Variants in MORN3 observed in about 807,000 individuals in gnomAD.
MORN3 encodes MORN repeat-containing protein 3.
Under a neutral mutation model 34.7 loss-of-function variants are expected in MORN3, and 38 were observed. The observed-to-expected ratio is 1.10, with a 90% CI of 0.85 to 1.44. MORN3 has a LOEUF of 1.44. Among genes scored for constraint, MORN3 ranks in the 40% most tolerant of loss-of-function variants. The pLI is 0.00. For missense variants in MORN3, 311 were observed against 321.7 expected, an observed-to-expected ratio of 0.97 and a Z score of 0.25; for synonymous variants, 109 against 115.3, an observed-to-expected ratio of 0.95 and a Z score of 0.35.
At position 121,654,292 on chromosome 12, in the gene MORN3, C is replaced by T. The variant is rs1167551375; in HGVS notation, c.445G>A (p.Glu149Lys). ...GQWENDKPNG[E>K]GMLRLKNGNR... ...CACTCACTCAGGCGCAGCATGCCCT[C>T]CCCGTTGGGCTTGTCGTTCTCCCAC... is the stretch of plus-strand genomic sequence containing the variant. Residue 149 changes from glutamate to lysine, a missense_variant, in exon 3 of 6, where the codon GAG becomes AAG. Glu to Lys is a moderately conservative substitution (Grantham distance 56, BLOSUM62 1). Transcript: ENST00000355329. 2 of 1,589,132 alleles carry T rather than the reference C, an allele frequency of 1.3e-6. No homozygotes were observed. The highest frequency in any genetic ancestry group is 1.7e-6 in the Non-Finnish European group (2 of 1,169,134).
At chr12:121,671,135 C>CGGTG (rs1431404055), upstream of MORN3, among the ~76,000 whole-genome samples, 12 of 140,454 alleles carry the variant, frequency 8.5e-5, no homozygotes, top group Middle Eastern at 4.6e-3. Flanking sequence ...AGACTGGGCG[C>CGGTG]GGTGGCTCAC....
At chr12:121,670,267 C>T (rs1274647616), upstream of MORN3, among the ~76,000 whole-genome samples, 2 of 151,996 alleles carry the variant, frequency 1.3e-5, no homozygotes. Flanking sequence ...AGAAAATAGG[C>T]AGAGCAAAAG....
upstream of MORN3, among the ~76,000 whole-genome samples, chr12:121,671,999 TATG>T (rs919432272): frequency 1.3e-5 from 2 of 152,236 alleles, no homozygotes; most frequent in Non-Finnish European, 2.9e-5. Context: ...ATAACTTTCT[TATG>T]ATGTCATTGG....
chr12:121,670,744 G>T (rs1893936585), upstream of MORN3, among the ~76,000 whole-genome samples: 1 of 151,876 alleles, frequency 6.6e-6, no homozygotes, highest in Non-Finnish European at 1.5e-5. Context: ...AGGAGGCGGA[G>T]GTTGCAGTGA....
Position 121,659,293 on chromosome 12 carries a change from C to T in MORN3, c.201G>A (p.Lys67=). The T allele has an allele frequency of 6.2e-7, 1 of 1,614,056 alleles. No homozygotes were observed. The highest frequency in any genetic ancestry group is 1.7e-5 in the Admixed American group (1 of 59,980). ...KKGAIYEGDW[K]FGKRDGYGTL... ...TGCCGTAGCCGTCTCGCTTCCCAAA[C>T]TTCCAGTCCCCCTCATAGATGGCTC... The change falls in exon 2 of 6, where the codon AAG becomes AAA. Residue 67 remains lysine, a synonymous_variant. Coordinates refer to ENST00000355329, the MANE Select transcript of MORN3 (RefSeq NM_173855.5).
chr12:121,666,829 A>G (rs939353960), intron 1 of MORN3, among the ~76,000 whole-genome samples: 1 of 152,068 alleles, frequency 6.6e-6, no homozygotes, highest in South Asian at 2.1e-4. Context: ...TGGGACATGA[A>G]TCAGATCATG....
At chr12:121,657,359 T>A (rs1338038452) in intron 2 of MORN3, among the ~76,000 whole-genome samples, 1 of 152,202 alleles carries the variant, frequency 6.6e-6, no homozygotes, top group Non-Finnish European at 1.5e-5. Flanking sequence ...ACCTTGCACT[T>A]GATGGATCAG....
chr12:121,662,580 C>T (rs1000136023), intron 1 of MORN3, among the ~76,000 whole-genome samples: 2 of 151,804 alleles, frequency 1.3e-5, no homozygotes, highest in Non-Finnish European at 2.9e-5. Flanking sequence ...ATGGTGAAAC[C>T]CCGTCTCTAC....
At position 121,654,363 on chromosome 12, in the gene MORN3, C is replaced by CCGCTG; in HGVS notation, c.369_373dup (p.Gly125AlafsTer32). 1 of 1,601,768 alleles carries CCGCTG rather than the reference C, an allele frequency of 6.2e-7. No individual in the cohort carries two copies. Among genetic ancestry groups the CCGCTG allele is most frequent in the Non-Finnish European group, 8.5e-7 (1 of 1,174,702 alleles). On this transcript the variant is annotated frameshift_variant, in exon 3 of 6. Coordinates refer to ENST00000355329, the MANE Select transcript of MORN3 (RefSeq NM_173855.5). LOFTEE classifies it high-confidence loss of function. ...GTTGCTGTAATACATGCGGCCCCAC[C>CCGCTG]CGCTGCGCTGGCTGCCACACCAGTC...
At chr12:121,670,837 C>T (rs1382341972), upstream of MORN3, among the ~76,000 whole-genome samples, 1 of 149,090 alleles carries the variant, frequency 6.7e-6, no homozygotes, top group Admixed American at 6.8e-5. Flanking sequence ...AGGCCGGGCT[C>T]AGTGGCTCAC....
intron 1 of MORN3, among the ~76,000 whole-genome samples, chr12:121,664,870 CAAAAA>C (rs148847502): frequency 4.6e-5 from 3 of 65,374 alleles, no homozygotes; most frequent in East Asian, 3.9e-4. Flanking sequence ...TAGCCCCTAC[CAAAAA>C]AAAAAAAAAA....
Position 121,653,015 on chromosome 12 carries a change from G to C in MORN3, c.648+60C>G, listed in dbSNP as rs1313469372. On this transcript the variant is annotated intron_variant, in intron 4 of 5. Transcript: ENST00000355329. ...GCAGATCTGGCCTGGGCATGGCTGGGGATGCTGGCTTCTGTCTCTGTCTGG... is the reference window on the plus strand; with the variant it reads ...GCAGATCTGGCCTGGGCATGGCTGGCGATGCTGGCTTCTGTCTCTGTCTGG... The C allele has an allele frequency of 1.2e-5, 19 of 1,525,534 alleles. No homozygotes were observed. In the African/African-American group the frequency reaches 2.1e-4, roughly 17 times the overall value. 94.5% of individuals were successfully genotyped at this position (1,525,534 alleles called of 1,614,324 possible). A position where few individuals can be genotyped will look rare whatever the true frequency, so the allele number is the denominator to read the frequency against.
intron 3 of MORN3, among the ~76,000 whole-genome samples, 187 bp from the exon 4 acceptor site, chr12:121,653,446 AT>A (rs1341217652): frequency 6.6e-6 from 1 of 151,572 alleles, no homozygotes; most frequent in Non-Finnish European, 1.5e-5. Flanking sequence ...AAAAAAAAAA[AT>A]TTTTTTAATT....
At chr12:121,659,150 C>CACAT (rs760321424) in intron 2 of MORN3, 41 bp downstream of exon 2, 2 of 1,598,314 alleles carry the variant, frequency 1.3e-6, no homozygotes, top group Admixed American at 1.7e-5. Flanking sequence ...CACACACACA[C>CACAT]ACACACACAC....
chr12:121,664,325 G>A (rs962125815), intron 1 of MORN3, among the ~76,000 whole-genome samples: 4 of 152,162 alleles, frequency 2.6e-5, no homozygotes, highest in African/African-American at 9.7e-5. Flanking sequence ...TACGAAGGTA[G>A]GCACTGAGAT....
chr12:121,664,889 A>T (rs1453334435), intron 1 of MORN3, among the ~76,000 whole-genome samples: 4 of 145,372 alleles, frequency 2.8e-5, no homozygotes, highest in African/African-American at 1.0e-4. Flanking sequence ...AAAAAAAAAG[A>T]CACTGATGGA....
At position 121,650,266 on chromosome 12, in the gene MORN3, C is replaced by T. The variant is rs1281556849; in HGVS notation, c.*1385G>A. ...CTGATCTTGGCTGGGAGCAGTGGCT[C>T]ACACCTGTAATCCCAGCACTTTGGG... On this transcript the variant is annotated 3_prime_UTR_variant, in exon 6 of 6. Coordinates refer to ENST00000355329, the MANE Select transcript of MORN3 (RefSeq NM_173855.5). 2 of 152,152 alleles carry T rather than the reference C, an allele frequency of 1.3e-5. No individual in the cohort carries two copies. The highest frequency in any genetic ancestry group is 3.9e-4 in the East Asian group (2 of 5,182). The allele number at this position is 152,152 out of a possible 1,614,324, so 9.4% of individuals were successfully genotyped here.
intron 3 of MORN3, 34 bp downstream of exon 3, chr12:121,654,240 G>C (rs782585983): frequency 3.3e-6 from 5 of 1,506,732 alleles, no homozygotes; most frequent in Non-Finnish European, 4.4e-6. Flanking sequence ...GGGCGTGGTC[G>C]GGTGGGCGGG....
upstream of MORN3, among the ~76,000 whole-genome samples, chr12:121,669,813 CATATATAT>C (rs750751662): frequency 1.0e-4 from 14 of 136,002 alleles, no homozygotes; most frequent in East Asian, 1.9e-3. Flanking sequence ...GTCATATATA[CATATATAT>C]ATATATATAT....
Sources: gnomAD v4.1 joint callset for allele counts (sites outside exome capture counted in the v4.1 genomes callset) on GRCh38, gnomAD v4.1.1 for gene constraint, MANE v1.5 for transcripts, NCBI Gene and HGNC (gene_info 2026-07-23, HGNC 2026-07-21) for gene names.